DDX50: variants seen among roughly 807,000 people sequenced by gnomAD.
The protein encoded by DDX50 is DExD-box helicase 50, also known as ATP-dependent RNA helicase DDX50.
DDX50 carries 56 observed loss-of-function variants against 94.8 expected under a neutral mutation model. That is an observed-to-expected ratio of 0.59 (90% confidence interval 0.48 to 0.74). DDX50 has a LOEUF of 0.74. Among genes scored for constraint, DDX50 ranks in the 30% least tolerant of loss-of-function variants. The probability of loss-of-function intolerance (pLI) is 0.00; values close to 1 mark genes in which losing one functional copy is unlikely to be tolerated. For missense variants in DDX50, 713 were observed against 881.2 expected (o/e 0.81, Z 2.42); for synonymous variants, 264 against 295.4 (o/e 0.89, Z 1.09).
At chr10:68,946,215 C>A (rs996651697) in intron 14 of DDX50, 137 bp from the exon 15 acceptor site, 1 of 1,081,964 alleles carries the variant, frequency 9.2e-7, no homozygotes. Flanking sequence ...TTCTGGTTTT[C>A]ATTTTTGTTC....
At chr10:68,925,094 G>GTTTTTT (rs752888119) in intron 8 of DDX50, among the ~76,000 whole-genome samples, 9 of 89,024 alleles carry the variant, frequency 1.0e-4, no homozygotes, top group Admixed American at 2.9e-4. Flanking sequence ...CCCTGCTCAT[G>GTTTTTT]GTTTTTTTTT....
intron 14 of DDX50, 42 bp downstream of exon 14, chr10:68,943,299 T>G: frequency 6.6e-7 from 1 of 1,508,384 alleles, no homozygotes; most frequent in African/African-American, 1.4e-5. Context: ...GAGTACATTC[T>G]CTAACATTTA....
rs556769963 is a variant in DDX50 at position 68,933,162 on chromosome 10, G to T, written c.1240-1037G>T. On this transcript the variant is annotated intron_variant, in intron 8 of 14. Coordinates refer to ENST00000373585, the MANE Select transcript of DDX50 (RefSeq NM_024045.2). Reference sequence around the variant, plus strand: ...CAGCTCACTGCAACCTCCACCTCCCGGGTTCAAGCTATTCTCCTGTCTCAG... The same window carrying T: ...CAGCTCACTGCAACCTCCACCTCCCTGGTTCAAGCTATTCTCCTGTCTCAG... 3.8e-4 allele frequency among the ~76,000 whole-genome samples: 57 copies of T among 151,136 alleles called. No homozygotes were observed. In the Middle Eastern group the frequency reaches 0.024, roughly 63 times the overall value.
intron 8 of DDX50, among the ~76,000 whole-genome samples, chr10:68,930,665 T>TG (rs1226905859): frequency 1.3e-5 from 2 of 152,124 alleles, no homozygotes; most frequent in African/African-American, 4.8e-5. Flanking sequence ...TTGTTTTTTT[T>TG]GGGGGTGGGG....
chr10:68,913,149 A>AC lies in DDX50; in HGVS notation c.640-11dup. On this transcript the variant is annotated splice_polypyrimidine_tract_variant and intron_variant, in intron 4 of 14. Coordinates refer to ENST00000373585, the MANE Select transcript of DDX50 (RefSeq NM_024045.2). ...AGAAAAGTATCTTTTTGTTTTTTAAACCTCTTGCTCAGGTACTTGTTTTGG... is the reference window on the plus strand; with the variant it reads ...AGAAAAGTATCTTTTTGTTTTTTAAACCCTCTTGCTCAGGTACTTGTTTTGG... The AC allele has an allele frequency of 6.3e-7, 1 of 1,576,404 alleles. No homozygotes were observed. The highest frequency in any genetic ancestry group is 8.6e-7 in the Non-Finnish European group (1 of 1,169,102).
At chr10:68,928,294 C>T (rs1052486915) in intron 8 of DDX50, among the ~76,000 whole-genome samples, 3 of 151,906 alleles carry the variant, frequency 2.0e-5, no homozygotes, top group Non-Finnish European at 4.4e-5. Context: ...CCACCCTGGG[C>T]GACCGAGTGA....
intron 14 of DDX50, among the ~76,000 whole-genome samples, chr10:68,944,331 G>A (rs1842616394): frequency 6.6e-6 from 1 of 152,014 alleles, no homozygotes; most frequent in Non-Finnish European, 1.5e-5. Context: ...ATACTTTACT[G>A]TGTAAAGTAT....
At chr10:68,938,064 AT>A (rs1842468030) in intron 12 of DDX50, among the ~76,000 whole-genome samples, 1 of 152,064 alleles carries the variant, frequency 6.6e-6, no homozygotes, top group South Asian at 2.1e-4. Flanking sequence ...GTTTATATCC[AT>A]TTTTTTCTCA....
Position 68,934,314 on chromosome 10 carries a change from T to C in DDX50, c.1355T>C (p.Leu452Ser). 1 of 1,613,904 alleles carries C rather than the reference T, an allele frequency of 6.2e-7. No individual in the cohort carries two copies. The highest frequency in any genetic ancestry group is 1.1e-5 in the South Asian group (1 of 91,066). Residue 452 changes from leucine (L) to serine (S), a missense_variant, in exon 9 of 15, where the codon TTG becomes TCG. This residue lies in a region of DDX50 where 428 missense variants were observed against 602.3 expected (regional missense o/e 0.71). Transcript: ENST00000373585. This position sits in a 1 kb window ranked among gnomAD's most constrained non-coding sequence, Gnocchi z 4.0. ...LVATNVAARG[L>S]DIPEVDLVIQ... is the part of the protein sequence containing the mutation. The stretch of plus-strand genomic sequence containing the variant: ...GCAACCAATGTGGCTGCCCGTGGTT[T>C]GGACATTCCTGAAGTTGACCTGGTG...
intron 8 of DDX50, among the ~76,000 whole-genome samples, chr10:68,928,812 T>TAATA (rs1842156969): frequency 1.3e-5 from 2 of 152,218 alleles, no homozygotes; most frequent in African/African-American, 4.8e-5. Flanking sequence ...TAGGGCTAAA[T>TAATA]CATACATCTA....
intron 8 of DDX50, among the ~76,000 whole-genome samples, chr10:68,926,496 A>G (rs906679692): frequency 3.3e-5 from 5 of 152,206 alleles, no homozygotes; most frequent in Non-Finnish European, 5.9e-5. Context: ...TATGAGTTAT[A>G]TGGGATTTTA....
rs1216294752 is a variant in DDX50, at chr10:68,911,200, G to A, written c.593G>A (p.Arg198Lys). Reference sequence around the variant, plus strand: ...TCTTTTGCCATCCCCTTAATTGAAAGACTCCAAAGAAATCAAGAAACAATT... The same window carrying A: ...TCTTTTGCCATCCCCTTAATTGAAAAACTCCAAAGAAATCAAGAAACAATT... ...TFSFAIPLIE[R>K]LQRNQETIKK... The change falls in exon 4 of 15, where the codon AGA becomes AAA. Residue 198 changes from arginine to lysine, a missense_variant. Arg to Lys is a conservative substitution (Grantham distance 26). Transcript: ENST00000373585. 4.4e-6 allele frequency: 7 copies of A among 1,607,744 alleles called. No individual in the cohort carries two copies. Among genetic ancestry groups the A allele is most frequent in the Non-Finnish European group, 4.2e-6 (5 of 1,178,238 alleles).
At chr10:68,925,298 C>G (rs898968357) in intron 8 of DDX50, among the ~76,000 whole-genome samples, 4 of 151,010 alleles carry the variant, frequency 2.6e-5, no homozygotes, top group African/African-American at 4.9e-5. Context: ...TTAGTAGAGA[C>G]AGGGTTTCTT....
rs1483623179 is a variant in DDX50, at chr10:68,914,023, TTAA to T, written c.944-35_944-33del. On this transcript the variant is annotated intron_variant, in intron 6 of 14. Transcript: ENST00000373585. ...TAAGAGCGGGCTACATCGTGGGAAA[TTAA>T]GAAAACATTTGAATTCTTTTTGTTT... The T allele has an allele frequency of 4.5e-6, 7 of 1,539,590 alleles. No homozygotes were observed. In the Admixed American group the frequency reaches 1.1e-4, roughly 25 times the overall value.
chr10:68,934,728 T>G lies in DDX50; in HGVS notation c.1402-71T>G. 3 of 1,434,422 alleles carry G rather than the reference T, an allele frequency of 2.1e-6. No individual in the cohort carries two copies. The highest frequency in any genetic ancestry group is 2.8e-6 in the Non-Finnish European group (3 of 1,062,956). The allele number at this position is 1,434,422 out of a possible 1,614,324, so 88.9% of individuals were successfully genotyped here. On this transcript the variant is annotated intron_variant, in intron 9 of 14. Coordinates refer to ENST00000373585, the MANE Select transcript of DDX50 (RefSeq NM_024045.2). This position sits in a 1 kb window ranked among gnomAD's most constrained non-coding sequence, Gnocchi z 4.0. ...TGAAATAAATATATTATTATTAACA[T>G]TATTATTTGGATTCCGGAATGACTG...
At chr10:68,926,220 A>G (rs117201755) in intron 8 of DDX50, among the ~76,000 whole-genome samples, 1,481 of 115,868 alleles carry the variant, frequency 0.013, 11 homozygotes, top group Non-Finnish European at 0.019. Context: ...AAAGTCCTTT[A>G]TAAACAGATA....
At chr10:68,930,614 A>AT (rs1041091454) in intron 8 of DDX50, among the ~76,000 whole-genome samples, 3 of 150,868 alleles carry the variant, frequency 2.0e-5, no homozygotes, top group African/African-American at 7.3e-5. Flanking sequence ...CTTCCCTCTC[A>AT]TTTTTTCATT....
intron 7 of DDX50, among the ~76,000 whole-genome samples, chr10:68,917,141 T>C (rs34822233): frequency 0.11 from 17,492 of 152,108 alleles, 1,271 homozygotes; most frequent in Admixed American, 0.18. Context: ...TTCCTTTTTT[T>C]TTCTTTGCAA....
chr10:68,942,129 T>C (rs569503709), intron 13 of DDX50, among the ~76,000 whole-genome samples: 29 of 152,336 alleles, frequency 1.9e-4, no homozygotes, highest in Admixed American at 1.1e-3. Context: ...ATGATTGCAG[T>C]AGTTAAACAG....
Sources: allele counts gnomAD v4.1 joint callset (sites outside exome capture counted in the v4.1 genomes callset), GRCh38; gene constraint gnomAD v4.1.1; regional missense constraint gnomAD v4.1.1; non-coding constraint Gnocchi (gnomAD v3.1); transcripts MANE v1.5; gene names NCBI Gene and HGNC (gene_info 2026-07-23, HGNC 2026-07-21).